WDR27: variants seen among roughly 807,000 people sequenced by gnomAD.
WDR27 encodes WD repeat-containing protein 27.
In WDR27, 100 loss-of-function variants were observed where a neutral mutation model predicts 114.4. The ratio of observed to expected loss-of-function variants is 0.87; its 90% CI spans 0.74 to 1.03. WDR27 has a LOEUF of 1.03. WDR27 is among the 50% of genes least tolerant of loss of function. WDR27 has a pLI of 0.00. For synonymous variants in WDR27, 449 were observed against 423.1 expected (o/e 1.06, Z -0.75); for missense variants, 1,129 against 1,092.9 (o/e 1.03, Z -0.47).
intron 21 of WDR27, among the ~76,000 whole-genome samples, chr6:169,624,040 G>C (rs79561463): frequency 6.6e-6 from 1 of 152,184 alleles, no homozygotes; most frequent in South Asian, 2.1e-4. Context: ...ACCACATGCC[G>C]CGTGTGGGGT....
At chr6:169,696,948 T>C (rs1395921002) in intron 1 of WDR27, among the ~76,000 whole-genome samples, 2 of 151,812 alleles carry the variant, frequency 1.3e-5, no homozygotes, top group Non-Finnish European at 2.9e-5. Flanking sequence ...CAAAAACCTA[T>C]CTCCTGACAC....
intron 25 of WDR27, among the ~76,000 whole-genome samples, chr6:169,552,063 C>T (rs972204255): frequency 2.6e-5 from 4 of 152,280 alleles, no homozygotes; most frequent in Admixed American, 2.6e-4. Flanking sequence ...GGTCTGGGCC[C>T]CACTGCCCCC....
At chr6:169,613,428 A>G (rs1811073542) in intron 22 of WDR27, 131 bp downstream of exon 22, 1 of 678,078 alleles carries the variant, frequency 1.5e-6, no homozygotes, top group Admixed American at 2.9e-5. Flanking sequence ...TTTTCTGTGC[A>G]TAAATCAGTC....
chr6:169,657,725 T>C (rs1019830271), intron 13 of WDR27: 4 of 153,042 alleles, frequency 2.6e-5, no homozygotes, highest in African/African-American at 7.2e-5. Context: ...GTGGATTTGT[T>C]TGGCTGCTGC....
chr6:169,644,723 T>G (rs1390013093), intron 16 of WDR27, among the ~76,000 whole-genome samples: 1 of 118,548 alleles, frequency 8.4e-6, no homozygotes, highest in South Asian at 2.6e-4. Context: ...CTGTAGAAAA[T>G]CCTAGGCCGG....
At chr6:169,673,473 G>C (rs1779290992) in intron 2 of WDR27, among the ~76,000 whole-genome samples, 1 of 151,716 alleles carries the variant, frequency 6.6e-6, no homozygotes, top group Non-Finnish European at 1.5e-5. Context: ...TACACACAGA[G>C]AGACACACAT....
chr6:169,524,158 G>A (rs1794702652), intron 25 of WDR27, among the ~76,000 whole-genome samples: 1 of 151,798 alleles, frequency 6.6e-6, no homozygotes, highest in Non-Finnish European at 1.5e-5. Flanking sequence ...ATCTTAAAAA[G>A]AAATCAAGAA....
chr6:169,607,731 A>C (rs1291170359), intron 22 of WDR27, among the ~76,000 whole-genome samples: 1 of 152,172 alleles, frequency 6.6e-6, no homozygotes, highest in African/African-American at 2.4e-5. Context: ...ACCACTACAA[A>C]TCTAACCATG....
rs1010428547 is a variant in WDR27, at chr6:169,599,490, A to G, written c.2424+2729T>C. Reference sequence around the variant, plus strand: ...AACTTCTTCCTGGTTTAGTCTTGGGAGAGTGTACGTGTCGAGGAATTTATC... The same window carrying G: ...AACTTCTTCCTGGTTTAGTCTTGGGGGAGTGTACGTGTCGAGGAATTTATC... On this transcript the variant is annotated intron_variant, in intron 23 of 25. Coordinates refer to ENST00000448612, the MANE Select transcript of WDR27 (RefSeq NM_182552.5). Among the ~76,000 whole-genome samples the G allele has an allele frequency of 5.3e-5, 8 of 152,224 alleles. No homozygotes were observed. The East Asian group carries it at 1.4e-3, about 26-fold the overall frequency.
intron 24 of WDR27, among the ~76,000 whole-genome samples, chr6:169,582,428 A>T (rs190907095): frequency 7.2e-4 from 110 of 152,314 alleles, no homozygotes; most frequent in African/African-American, 2.6e-3. Flanking sequence ...TTTTTCCATA[A>T]GAATTTTCAA....
At chr6:169,507,309 G>GT (rs1329741087) in intron 25 of WDR27, among the ~76,000 whole-genome samples, 1 of 152,304 alleles carries the variant, frequency 6.6e-6, no homozygotes, top group Admixed American at 6.5e-5. Context: ...CAGCACGTGT[G>GT]TAAGATTGTT....
chr6:169,683,804 A>T (rs953211727), intron 2 of WDR27, among the ~76,000 whole-genome samples: 4 of 152,226 alleles, frequency 2.6e-5, no homozygotes, highest in African/African-American at 9.6e-5. Context: ...TCTTTACAAC[A>T]GGAGAATCCC....
intron 2 of WDR27, among the ~76,000 whole-genome samples, chr6:169,687,467 C>G (rs969571150): frequency 1.3e-5 from 2 of 151,904 alleles, no homozygotes; most frequent in Non-Finnish European, 2.9e-5. Context: ...TCTAAATGGC[C>G]AATAAATGTG....
the WDR27 span, among the ~76,000 whole-genome samples, chr6:169,443,577 T>G: frequency 6.6e-6 from 1 of 152,144 alleles, no homozygotes; most frequent in African/African-American, 2.4e-5. Flanking sequence ...CCAGAGGTCG[T>G]GTCCATAGCA....
At chr6:169,681,371 T>C (rs888083438) in intron 2 of WDR27, among the ~76,000 whole-genome samples, 8 of 152,138 alleles carry the variant, frequency 5.3e-5, no homozygotes, top group African/African-American at 1.9e-4. Flanking sequence ...GTCCAAAGTC[T>C]CTCTACAAGA....
intron 25 of WDR27, among the ~76,000 whole-genome samples, chr6:169,523,536 C>T (rs1256381981): frequency 6.6e-6 from 1 of 151,924 alleles, no homozygotes; most frequent in Non-Finnish European, 1.5e-5. Context: ...TGTGAAAATC[C>T]TCAGCAACAC....
intron 24 of WDR27, among the ~76,000 whole-genome samples, chr6:169,577,712 G>C (rs1802648451): frequency 6.6e-6 from 1 of 152,196 alleles, no homozygotes; most frequent in South Asian, 2.1e-4. Context: ...CCATGGGAGT[G>C]GTTCGTTACA....
chr6:169,453,448 A>G (rs1375285332), downstream of WDR27, among the ~76,000 whole-genome samples: 1 of 151,882 alleles, frequency 6.6e-6, no homozygotes, highest in South Asian at 2.1e-4. Context: ...GGGAATCCAC[A>G]TCCAAGCCTG....
Position 169,643,621 on chromosome 6 carries a change from T to C in WDR27, c.1747+76A>G. ...TGTCCTGAAGGAAACAAAAGTGTCC[T>C]TTAGCAACTGATAACCAGGACCTAA... is the stretch of plus-strand genomic sequence containing the variant. On this transcript the variant is annotated intron_variant, in intron 17 of 25. Coordinates refer to ENST00000448612, the MANE Select transcript of WDR27 (RefSeq NM_182552.5). The C allele has an allele frequency of 3.1e-6, 4 of 1,283,836 alleles. No individual in the cohort carries two copies. The South Asian group carries it at 5.4e-5, about 17-fold the overall frequency. 79.5% of individuals were successfully genotyped at this position (1,283,836 alleles called of 1,614,324 possible). A position where few individuals can be genotyped will look rare whatever the true frequency, so the allele number is the denominator to read the frequency against.
Sources: gnomAD v4.1 joint callset for allele counts (sites outside exome capture counted in the v4.1 genomes callset) on GRCh38, gnomAD v4.1.1 for gene constraint, MANE v1.5 for transcripts, NCBI Gene and HGNC (gene_info 2026-07-23, HGNC 2026-07-21) for gene names.